Variants in SERP2 observed in about 807,000 individuals in gnomAD.
SERP2 encodes the protein stress associated endoplasmic reticulum protein family member 2.
In SERP2, 6 loss-of-function variants were observed where a neutral mutation model predicts 9.1. That is an observed-to-expected ratio of 0.66 (90% CI 0.36 to 1.30). The LOEUF (loss-of-function observed/expected upper bound fraction) is 1.30. SERP2 is among the 50% of genes most tolerant of loss of function. The probability of loss-of-function intolerance (pLI) is 0.03; values close to 1 mark genes in which losing one functional copy is unlikely to be tolerated. For synonymous variants in SERP2, 37 were observed against 27.3 expected (o/e 1.35, Z -1.10); for missense variants, 58 against 81.9 (o/e 0.71, Z 1.13).
intron 2 of SERP2, among the ~76,000 whole-genome samples, chr13:44,392,421 G>C (rs1417194961): frequency 6.6e-6 from 1 of 151,980 alleles, no homozygotes; most frequent in Non-Finnish European, 1.5e-5. Flanking sequence ...TGCTTTTATT[G>C]AAAGGATAAT....
intron 2 of SERP2, among the ~76,000 whole-genome samples, chr13:44,388,496 T>C (rs555038987): frequency 2.6e-4 from 40 of 152,326 alleles, no homozygotes; most frequent in Middle Eastern, 6.8e-3. Context: ...TGTGCCTGGC[T>C]CCAGGGCTGG....
At chr13:44,382,712 C>T (rs1400263346) in intron 2 of SERP2, among the ~76,000 whole-genome samples, 1 of 152,144 alleles carries the variant, frequency 6.6e-6, no homozygotes, top group Admixed American at 6.5e-5. Context: ...TCAGAGACAA[C>T]CTCTTTCAGG....
At chr13:44,397,241 T>A in intron 2 of SERP2, 31 bp from the exon 3 acceptor site, 1 of 1,607,592 alleles carries the variant, frequency 6.2e-7, no homozygotes, top group Non-Finnish European at 8.5e-7. Flanking sequence ...TGCAGTCTGG[T>A]GTCTGAGCTG....
chr13:44,397,170 C>A, intron 2 of SERP2, 102 bp from the exon 3 acceptor site: 1 of 874,950 alleles, frequency 1.1e-6, no homozygotes, highest in Non-Finnish European at 1.9e-6. Context: ...TGTGAGCTAA[C>A]ACGTCAGGGC....
rs149337558 is a variant in SERP2 at position 44,377,220 on chromosome 13, A to G, written c.85-2421A>G. 2.4e-3 allele frequency among the ~76,000 whole-genome samples: 359 copies of G among 152,364 alleles called. 1 individual carries two copies. The highest frequency in any genetic ancestry group is 7.9e-3 in the African/African-American group (330 of 41,584). On this transcript the variant is annotated intron_variant, in intron 1 of 2. Transcript: ENST00000379179. Reference sequence around the variant, plus strand: ...CATGCTGATCATCTGTTTTTTCTGCATATGAAAAATAAAGGACTCTATTTG... The same window carrying G: ...CATGCTGATCATCTGTTTTTTCTGCGTATGAAAAATAAAGGACTCTATTTG...
At chr13:44,384,629 CAGAT>C (rs1872211597) in intron 2 of SERP2, among the ~76,000 whole-genome samples, 2 of 152,328 alleles carry the variant, frequency 1.3e-5, no homozygotes, top group East Asian at 1.9e-4. Flanking sequence ...TCTCTGCAGA[CAGAT>C]AGACCCTTTT....
Position 44,393,292 on chromosome 13 carries a change from T to C in SERP2, c.158-3980T>C, listed in dbSNP as rs556100320. On this transcript the variant is annotated intron_variant, in intron 2 of 2. Coordinates refer to ENST00000379179, the MANE Select transcript of SERP2 (RefSeq NM_001010897.3). ...GAAGAGAGGGCCCTGTGGATGGAGA[T>C]GTGGAGTCAGGCAGATAGCTCTGGT... 6.6e-5 allele frequency among the ~76,000 whole-genome samples: 10 copies of C among 152,210 alleles called. No homozygotes were observed. The South Asian group carries it at 2.1e-3, about 32-fold the overall frequency.
At chr13:44,396,363 A>C (rs1001648249) in intron 2 of SERP2, among the ~76,000 whole-genome samples, 1 of 151,846 alleles carries the variant, frequency 6.6e-6, no homozygotes, top group Non-Finnish European at 1.5e-5. Context: ...GAGAAGGGGT[A>C]AGACCCCTGA....
chr13:44,379,719 G>C lies in SERP2; in HGVS notation c.157+6G>C, dbSNP rs372298933. Reference sequence around the variant, plus strand: ...TTTTGTTGTCTGTGGCTCAGGTATGGGTGTTTCACTGAACTTATATCCCAT... The same window carrying C: ...TTTTGTTGTCTGTGGCTCAGGTATGCGTGTTTCACTGAACTTATATCCCAT... On this transcript the variant is annotated splice_donor_region_variant and intron_variant, in intron 2 of 2. Transcript: ENST00000379179. 1 of 1,600,208 alleles carries C rather than the reference G, an allele frequency of 6.2e-7. No individual in the cohort carries two copies. Among genetic ancestry groups the C allele is most frequent in the African/African-American group, 1.3e-5 (1 of 74,442 alleles).
At chr13:44,375,715 C>T (rs1010162735) in intron 1 of SERP2, among the ~76,000 whole-genome samples, 2 of 152,166 alleles carry the variant, frequency 1.3e-5, no homozygotes, top group African/African-American at 4.8e-5. Context: ...TGTCAGATCT[C>T]AGTTGACAGC....
At chr13:44,393,934 A>T (rs2138799275) in intron 2 of SERP2, among the ~76,000 whole-genome samples, 1 of 152,308 alleles carries the variant, frequency 6.6e-6, no homozygotes, top group Non-Finnish European at 1.5e-5. Context: ...AATAGACTTT[A>T]TTCAAAGTAG....
chr13:44,392,474 C>T (rs927531324), intron 2 of SERP2, among the ~76,000 whole-genome samples: 2 of 152,060 alleles, frequency 1.3e-5, no homozygotes, highest in African/African-American at 4.8e-5. Context: ...GAGCAAGAGT[C>T]GAGCACTGGG....
At chr13:44,381,206 C>A (rs1308300391) in intron 2 of SERP2, among the ~76,000 whole-genome samples, 1 of 147,786 alleles carries the variant, frequency 6.8e-6, no homozygotes, top group African/African-American at 2.5e-5. Context: ...CCATTGCACT[C>A]CAGCCTGGGC....
intron 2 of SERP2, chr13:44,395,714 A>G (rs928832863): frequency 8.6e-5 from 35 of 408,380 alleles, no homozygotes; most frequent in African/African-American, 6.8e-4. Flanking sequence ...CACCTTCACC[A>G]TATCTACAGA....
intron 2 of SERP2, among the ~76,000 whole-genome samples, chr13:44,392,196 C>CAAAAAAAAAAAAAAAAAAAAAAAAA (rs760513486): frequency 2.8e-5 from 1 of 35,988 alleles, no homozygotes; most frequent in Admixed American, 6.2e-4. Context: ...GACTCTGTCT[C>CAAAAAAAAAAAAAAAAAAAAAAAAA]AAAAAAAAAA....
chr13:44,394,252 C>T (rs1872954739), intron 2 of SERP2, among the ~76,000 whole-genome samples: 1 of 152,132 alleles, frequency 6.6e-6, no homozygotes, highest in Non-Finnish European at 1.5e-5. Flanking sequence ...ATTCTCCTGC[C>T]TCAGCCTCCC....
At chr13:44,379,554 C>T (rs1871843340) in intron 1 of SERP2, 87 bp from the exon 2 acceptor site, 1 of 952,782 alleles carries the variant, frequency 1.0e-6, no homozygotes, top group Non-Finnish European at 1.6e-6. Flanking sequence ...GTAGAATCCC[C>T]AGCACCTAGC....
chr13:44,377,901 G>A (rs1000902261), intron 1 of SERP2, among the ~76,000 whole-genome samples: 2 of 152,124 alleles, frequency 1.3e-5, no homozygotes, highest in Non-Finnish European at 2.9e-5. Flanking sequence ...ATTACTACAT[G>A]AACAAGACAT....
intron 1 of SERP2, 149 bp from the exon 2 acceptor site, chr13:44,379,492 T>C (rs1349909913): frequency 3.9e-6 from 2 of 513,470 alleles, no homozygotes; most frequent in East Asian, 3.0e-5. Context: ...ATGGACTTCA[T>C]TCATCTATAT....
Sources: allele counts gnomAD v4.1 joint callset (sites outside exome capture counted in the v4.1 genomes callset), GRCh38; gene constraint gnomAD v4.1.1; transcripts MANE v1.5; gene names NCBI Gene and HGNC (gene_info 2026-07-23, HGNC 2026-07-21).